NAV3: variants seen among roughly 807,000 people sequenced by gnomAD.
The protein encoded by NAV3 is pore membrane and/or filament interacting like protein 1.
Under a neutral mutation model 244.7 loss-of-function variants are expected in NAV3, and 87 were observed. The ratio of observed to expected loss-of-function variants is 0.36; its 90% CI spans 0.30 to 0.42. NAV3 has a LOEUF of 0.42. NAV3 is among the 20% of genes least tolerant of loss of function. The pLI is 1.00. For missense variants in NAV3, 2,663 were observed against 2,893.3 expected (o/e 0.92, Z 1.83); for synonymous variants, 1,126 against 1,042.2 (o/e 1.08, Z -1.55).
chr12:77,882,652 G>T (rs1022590375), intron 1 of NAV3, among the ~76,000 whole-genome samples: 2 of 152,004 alleles, frequency 1.3e-5, no homozygotes, highest in Non-Finnish European at 2.9e-5. Flanking sequence ...CAACCTTAGA[G>T]CATAGGAGAA....
chr12:77,804,658 T>C (rs1370649647), intron 2 of NAV3, among the ~76,000 whole-genome samples: 1 of 152,140 alleles, frequency 6.6e-6, no homozygotes, highest in African/African-American at 2.4e-5. Flanking sequence ...ATACGGGCAC[T>C]TTTTTGGTTT....
At chr12:77,984,883 C>G (rs1203794746) in intron 5 of NAV3, among the ~76,000 whole-genome samples, 2 of 151,848 alleles carry the variant, frequency 1.3e-5, no homozygotes, top group Non-Finnish European at 1.5e-5. Flanking sequence ...GAGGTGTGAT[C>G]TCAGCTCACT....
intron 2 of NAV3, among the ~76,000 whole-genome samples, chr12:77,669,725 G>A (rs1292958876): frequency 1.3e-5 from 2 of 152,020 alleles, no homozygotes; most frequent in Non-Finnish European, 2.9e-5. Context: ...GACCTAAGAA[G>A]TAAGATAAAT....
rs762051236 is a variant in NAV3 at position 78,158,659 on chromosome 12, C to A, written c.4786-544C>A. ...AAGAGTTTGGAAAGTAAAGATAACT[C>A]TTTTCAATTCAATTCTTTGTAAGTA... On this transcript the variant is annotated intron_variant, in intron 22 of 39. Coordinates refer to ENST00000397909, the MANE Select transcript of NAV3 (RefSeq NM_001024383.2). 1.8e-4 allele frequency among the ~76,000 whole-genome samples: 27 copies of A among 152,224 alleles called. No homozygotes were observed. In the Middle Eastern group the frequency reaches 0.014, roughly 77 times the overall value.
chr12:77,967,229 A>G (rs1339561345), intron 4 of NAV3, among the ~76,000 whole-genome samples: 1 of 152,056 alleles, frequency 6.6e-6, no homozygotes, highest in Non-Finnish European at 1.5e-5. Flanking sequence ...ATTGATTTTC[A>G]TTCATCTTTA....
intron 2 of NAV3, among the ~76,000 whole-genome samples, chr12:77,626,477 T>A (rs1260547442): frequency 6.6e-6 from 1 of 151,934 alleles, no homozygotes; most frequent in Admixed American, 6.6e-5. Flanking sequence ...ATAGTCTCAA[T>A]CCAAAAAGGT....
intron 2 of NAV3, among the ~76,000 whole-genome samples, chr12:77,688,740 A>G (rs778628606): frequency 6.6e-6 from 1 of 151,926 alleles, no homozygotes; most frequent in Non-Finnish European, 1.5e-5. Context: ...ATTGTAGAGT[A>G]TCTTAAAGAC....
At chr12:77,677,188 G>A (rs561901467) in intron 2 of NAV3, among the ~76,000 whole-genome samples, 1 of 152,166 alleles carries the variant, frequency 6.6e-6, no homozygotes, top group Admixed American at 6.5e-5. Context: ...ATTCACTTAT[G>A]CAACAAATAT....
chr12:78,072,024 G>C (rs905592002), intron 12 of NAV3, among the ~76,000 whole-genome samples: 1 of 152,092 alleles, frequency 6.6e-6, no homozygotes, highest in Non-Finnish European at 1.5e-5. Context: ...TCTCTGGGAC[G>C]CATTCAAAGC....
intron 1 of NAV3, among the ~76,000 whole-genome samples, chr12:77,932,675 C>T (rs996133683): frequency 6.6e-6 from 1 of 152,152 alleles, no homozygotes; most frequent in Non-Finnish European, 1.5e-5. Flanking sequence ...CATAGCTGCA[C>T]TCAAGTTCAA....
At chr12:78,155,966 G>A (rs925488111) in intron 22 of NAV3, among the ~76,000 whole-genome samples, 1 of 152,122 alleles carries the variant, frequency 6.6e-6, no homozygotes, top group Non-Finnish European at 1.5e-5. Context: ...TCACTCTGAT[G>A]ATAGTTTCTT....
chr12:78,210,394 T>G lies in NAV3; in HGVS notation c.7039-4T>G, dbSNP rs778606798. On this transcript the variant is annotated splice_polypyrimidine_tract_variant and splice_region_variant and intron_variant, in intron 39 of 39. Transcript: ENST00000397909. ...CTACATCGATGTCTTTTTTCTTTCT[T>G]CAGATGAATATGCTAATGAAACTCC... is the stretch of plus-strand genomic sequence containing the variant. The G allele has an allele frequency of 1.9e-6, 3 of 1,613,442 alleles. No homozygotes were observed. Among genetic ancestry groups the G allele is most frequent in the Non-Finnish European group, 1.7e-6 (2 of 1,179,774 alleles).
chr12:77,924,747 A>G (rs1360795012), intron 1 of NAV3, among the ~76,000 whole-genome samples: 1 of 152,178 alleles, frequency 6.6e-6, no homozygotes, highest in Non-Finnish European at 1.5e-5. Context: ...AAATATTGAC[A>G]TGTGCAATGG....
At chr12:78,125,336 T>C (rs1056009057) in intron 16 of NAV3, among the ~76,000 whole-genome samples, 8 of 152,272 alleles carry the variant, frequency 5.3e-5, no homozygotes, top group African/African-American at 1.9e-4. Context: ...GCTTTTCCTA[T>C]AGATTTTAAT....
chr12:77,879,685 CAA>C lies in NAV3; in HGVS notation c.243+48003_243+48004del, dbSNP rs72076222. Among the ~76,000 whole-genome samples, 333 of 85,044 alleles carry C rather than the reference CAA, an allele frequency of 3.9e-3. 1 individual carries two copies. Among genetic ancestry groups the C allele is most frequent in the African/African-American group, 0.014 (327 of 22,600 alleles). 55.8% of individuals were successfully genotyped at this position (85,044 alleles called of 152,430 possible). A position where few individuals can be genotyped will look rare whatever the true frequency, so the allele number is the denominator to read the frequency against. On this transcript the variant is annotated intron_variant, in intron 1 of 39. Transcript: ENST00000397909. ...GAAAGAGCGAAGTGAAACTCCATCT[CAA>C]AAAAAAAAAAAAAAAAAAAAAGGAA...
At chr12:77,622,320 C>T (rs982726794) in intron 2 of NAV3, among the ~76,000 whole-genome samples, 2 of 151,916 alleles carry the variant, frequency 1.3e-5, no homozygotes, top group Non-Finnish European at 2.9e-5. Context: ...CCACCACACC[C>T]GGATAATTTT....
intron 12 of NAV3, among the ~76,000 whole-genome samples, chr12:78,072,119 A>G (rs1952802880): frequency 6.6e-6 from 1 of 151,620 alleles, no homozygotes. Flanking sequence ...CATCACAATT[A>G]AAAGAACTAG....
intron 1 of NAV3, among the ~76,000 whole-genome samples, chr12:77,868,323 A>G (rs1880396918): frequency 6.6e-6 from 1 of 152,166 alleles, no homozygotes; most frequent in African/African-American, 2.4e-5. Flanking sequence ...TTGTTAATAT[A>G]ATAACGTATG....
chr12:77,879,623 G>A (rs943183015), intron 1 of NAV3, among the ~76,000 whole-genome samples: 2 of 134,980 alleles, frequency 1.5e-5, no homozygotes, highest in Non-Finnish European at 3.1e-5. Context: ...GGAGGTTGCA[G>A]TGAGCCAAGA....
Sources: allele counts gnomAD v4.1 joint callset (sites outside exome capture counted in the v4.1 genomes callset), GRCh38; gene constraint gnomAD v4.1.1; transcripts MANE v1.5; gene names NCBI Gene and HGNC (gene_info 2026-07-23, HGNC 2026-07-21).